The following AUTS2 variants were observed in gnomAD, a reference collection of about 807,000 sequenced individuals.
The protein encoded by AUTS2 is activator of transcription and developmental regulator AUTS2, also known as autism susceptibility gene 2 protein.
A neutral mutation model predicts 112.4 loss-of-function variants in AUTS2; 17 were observed. The ratio of observed to expected loss-of-function variants is 0.15; its 90% CI spans 0.10 to 0.23. AUTS2 has a LOEUF of 0.23. AUTS2 is among the 10% of genes least tolerant of loss of function. AUTS2 has a pLI of 1.00. For missense variants in AUTS2, 1,510 were observed against 1,701.6 expected (o/e 0.89, Z 1.98); for synonymous variants, 751 against 702.7 (o/e 1.07, Z -1.09).
chr7:70,744,672 G>C (rs1057164998), intron 6 of AUTS2, among the ~76,000 whole-genome samples: 4 of 152,170 alleles, frequency 2.6e-5, no homozygotes, highest in Admixed American at 1.3e-4. Context: ...TGACATATTC[G>C]AGGTGGCAAG....
At chr7:70,537,525 A>G (rs1012911476) in intron 5 of AUTS2, among the ~76,000 whole-genome samples, 7 of 152,220 alleles carry the variant, frequency 4.6e-5, no homozygotes, top group African/African-American at 1.7e-4. Flanking sequence ...TGAAATTAAG[A>G]CTTTCCAGCA....
intron 1 of AUTS2, among the ~76,000 whole-genome samples, chr7:69,835,599 C>T (rs961867766): frequency 6.6e-6 from 1 of 152,138 alleles, no homozygotes; most frequent in Admixed American, 6.5e-5. Flanking sequence ...CAGGCCTTCC[C>T]TTTACTGCCT....
chr7:70,391,903 C>T (rs370087486), intron 4 of AUTS2, among the ~76,000 whole-genome samples: 2 of 152,128 alleles, frequency 1.3e-5, no homozygotes, highest in South Asian at 2.1e-4. Context: ...ATTTTGCTGC[C>T]ATTCAGAGCT....
At chr7:69,705,890 C>T (rs779224087) in intron 1 of AUTS2, among the ~76,000 whole-genome samples, 2 of 151,968 alleles carry the variant, frequency 1.3e-5, no homozygotes, top group Non-Finnish European at 2.9e-5. Flanking sequence ...TGCACATATC[C>T]GTGTTCAGAT....
Position 69,872,834 on chromosome 7 carries a change from C to CTTTTTTTTTTTTTTTTTTTTTT in AUTS2, c.310-26447_310-26426dup, listed in dbSNP as rs1164356683. ...GGTGGCACTTGATGTAGCCTATATT[C>CTTTTTTTTTTTTTTTTTTTTTT]TTTTTTTTTTTTTTTTTTTTTTTTT... is the stretch of plus-strand genomic sequence containing the variant. On this transcript the variant is annotated intron_variant, in intron 1 of 18. Transcript: ENST00000342771. Among the ~76,000 whole-genome samples the CTTTTTTTTTTTTTTTTTTTTTT allele has an allele frequency of 3.8e-4, 27 of 70,422 alleles. 3 individuals carry two copies. Among genetic ancestry groups the CTTTTTTTTTTTTTTTTTTTTTT allele is most frequent in the African/African-American group, 9.3e-4 (15 of 16,056 alleles). 46.2% of individuals were successfully genotyped at this position (70,422 alleles called of 152,430 possible).
chr7:70,750,523 C>T lies in AUTS2; in HGVS notation c.743-12347C>T, dbSNP rs778767855. ...TCAGGTGTTCCTCCCACCTCAGCCTCCTGAGTAGCTGGGACTACAGGCACA... is the reference window on the plus strand; with the variant it reads ...TCAGGTGTTCCTCCCACCTCAGCCTTCTGAGTAGCTGGGACTACAGGCACA... On this transcript the variant is annotated intron_variant, in intron 6 of 18. Transcript: ENST00000342771. Among the ~76,000 whole-genome samples the T allele has an allele frequency of 1.3e-4, 19 of 151,678 alleles. 1 individual carries two copies. Among genetic ancestry groups the T allele is most frequent in the Non-Finnish European group, 2.2e-4 (15 of 67,986 alleles).
intron 5 of AUTS2, among the ~76,000 whole-genome samples, chr7:70,507,366 AC>A (rs1278129018): frequency 6.6e-6 from 1 of 151,652 alleles, no homozygotes; most frequent in Non-Finnish European, 1.5e-5. Flanking sequence ...CCACATCTCT[AC>A]AAAAATTTTT....
intron 5 of AUTS2, among the ~76,000 whole-genome samples, chr7:70,509,374 T>G (rs1195555456): frequency 6.6e-6 from 1 of 152,154 alleles, no homozygotes; most frequent in East Asian, 1.9e-4. Context: ...TATTCTGACT[T>G]GGGAGGAAGG....
intron 2 of AUTS2, among the ~76,000 whole-genome samples, chr7:70,082,640 C>A (rs1040512979): frequency 2.6e-5 from 4 of 152,200 alleles, no homozygotes; most frequent in African/African-American, 9.6e-5. Context: ...ATTTCTTGAA[C>A]TTTCTGTTAA....
At position 70,554,021 on chromosome 7, in the gene AUTS2, C is replaced by T. The variant is rs183632871; in HGVS notation, c.690+118240C>T. ...TCCTGACCTCATGATCCACCCACCTCGGCCTCCCAAAGTGCTGAGATTACA... is the reference window on the plus strand; with the variant it reads ...TCCTGACCTCATGATCCACCCACCTTGGCCTCCCAAAGTGCTGAGATTACA... On this transcript the variant is annotated intron_variant, in intron 5 of 18. Transcript: ENST00000342771. 1.4e-3 allele frequency among the ~76,000 whole-genome samples: 214 copies of T among 149,504 alleles called. 1 individual carries two copies. The highest frequency in any genetic ancestry group is 5.0e-3 in the African/African-American group (201 of 40,580).
chr7:70,305,412 C>T (rs1180181544), intron 4 of AUTS2, among the ~76,000 whole-genome samples: 1 of 151,950 alleles, frequency 6.6e-6, no homozygotes, highest in Admixed American at 6.6e-5. Flanking sequence ...TAATATTGTT[C>T]TTATATATGA....
intron 2 of AUTS2, among the ~76,000 whole-genome samples, chr7:70,049,375 G>A (rs1208421647): frequency 2.0e-5 from 3 of 151,772 alleles, no homozygotes; most frequent in African/African-American, 7.3e-5. Context: ...TCTTGCCCAG[G>A]CTGGAGTGCA....
intron 2 of AUTS2, among the ~76,000 whole-genome samples, chr7:69,950,227 C>T (rs1189199443): frequency 6.6e-6 from 1 of 152,020 alleles, no homozygotes; most frequent in African/African-American, 2.4e-5. Flanking sequence ...CACAAAGTTT[C>T]TGCACCATAC....
At chr7:70,764,731 T>C (rs758169328) in intron 7 of AUTS2, 21 bp from the exon 8 acceptor site, 2 of 721,164 alleles carry the variant, frequency 2.8e-6, no homozygotes, top group African/African-American at 3.5e-5. Context: ...TTTTCTTTTC[T>C]TTTTTTTCTT....
chr7:69,614,326 T>TTCTTTCTTTCTTTCTC (rs1793212007), intron 1 of AUTS2, among the ~76,000 whole-genome samples: 2 of 64,978 alleles, frequency 3.1e-5, no homozygotes, highest in African/African-American at 5.2e-5. Context: ...CTTTCTTTCT[T>TTCTTTCTTTCTTTCTC]TCTTTCTTTC....
intron 2 of AUTS2, among the ~76,000 whole-genome samples, chr7:70,019,384 G>A (rs1351887968): frequency 6.6e-6 from 1 of 152,066 alleles, no homozygotes; most frequent in African/African-American, 2.4e-5. Context: ...ACCTATGTAA[G>A]AGACCTCCAC....
intron 6 of AUTS2, among the ~76,000 whole-genome samples, chr7:70,724,577 C>CA (rs1786907750): frequency 6.6e-6 from 1 of 151,670 alleles, no homozygotes; most frequent in Admixed American, 6.6e-5. Flanking sequence ...TCCCGAGTAG[C>CA]TGTGACTACA....
chr7:70,566,198 G>C (rs2189963), intron 5 of AUTS2, among the ~76,000 whole-genome samples: 44,748 of 152,064 alleles, frequency 0.29, 7,068 homozygotes, highest in Admixed American at 0.42. Context: ...ATTGTCACCA[G>C]TGCCAAATTA....
In AUTS2 at chr7:70,053,544, G is replaced by GTTTTTTTTTTTT. The variant is rs200867539; in HGVS notation, c.523-64587_523-64576dup. Among the ~76,000 whole-genome samples the GTTTTTTTTTTTT allele has an allele frequency of 4.4e-4, 56 of 127,808 alleles. 1 individual carries two copies. Among genetic ancestry groups the GTTTTTTTTTTTT allele is most frequent in the African/African-American group, 1.6e-3 (53 of 32,322 alleles). The allele number at this position is 127,808 out of a possible 152,430, so 83.8% of individuals were successfully genotyped here. On this transcript the variant is annotated intron_variant, in intron 2 of 18. Transcript: ENST00000342771. Reference sequence around the variant, plus strand: ...ATTGTGGCAACCACTGTTTTGGGTGGTTTTTTTTTTTTGGAGACAGGATCT... The same window carrying GTTTTTTTTTTTT: ...ATTGTGGCAACCACTGTTTTGGGTGGTTTTTTTTTTTTTTTTTTTTTTTTGGAGACAGGATCT...
Sources: allele counts gnomAD v4.1 joint callset (sites outside exome capture counted in the v4.1 genomes callset), GRCh38; gene constraint gnomAD v4.1.1; transcripts MANE v1.5; gene names NCBI Gene and HGNC (gene_info 2026-07-23, HGNC 2026-07-21).